The following STAT4 variants were observed in gnomAD, a reference collection of about 807,000 sequenced individuals.
STAT4 encodes the protein signal transducer and activator of transcription 4.
Under a neutral mutation model 110.5 loss-of-function variants are expected in STAT4, and 42 were observed. The observed-to-expected ratio is 0.38, with a 90% CI of 0.30 to 0.49. The LOEUF (loss-of-function observed/expected upper bound fraction) is 0.49, where lower values mean the gene tolerates loss of function less well. Among genes scored for constraint, STAT4 ranks in the 20% least tolerant of loss-of-function variants. The pLI is 0.95. For missense variants in STAT4, 632 were observed against 887.9 expected, an observed-to-expected ratio of 0.71 and a Z score of 3.66; for synonymous variants, 284 against 302.2, an observed-to-expected ratio of 0.94 and a Z score of 0.63.
chr2:191,046,442 T>G lies in STAT4; in HGVS notation c.1252-5294A>C, dbSNP rs1425588266. 6.6e-6 allele frequency among the ~76,000 whole-genome samples: 1 copy of G among 152,176 alleles called. No homozygotes were observed. The highest frequency in any genetic ancestry group is 1.5e-5 in the Non-Finnish European group (1 of 68,036). On this transcript the variant is annotated intron_variant, in intron 14 of 23. Coordinates refer to ENST00000392320, the MANE Select transcript of STAT4 (RefSeq NM_003151.4). This position sits in a 1 kb window ranked among gnomAD's most constrained non-coding sequence, Gnocchi z 4.6. The stretch of plus-strand genomic sequence containing the variant: ...ACCAGTGTGGCCTCTAGGTCTCTCC[T>G]GTGCCTAGATATGTTTGCACTGAAG...
intron 3 of STAT4, among the ~76,000 whole-genome samples, chr2:191,106,834 A>C (rs1204807931): frequency 1.3e-5 from 2 of 152,146 alleles, no homozygotes; most frequent in Non-Finnish European, 2.9e-5. Flanking sequence ...ACCTATTAGA[A>C]TTAGGGCAGA....
At chr2:191,106,613 C>A (rs1698289016) in intron 3 of STAT4, among the ~76,000 whole-genome samples, 1 of 150,230 alleles carries the variant, frequency 6.7e-6, no homozygotes, top group Non-Finnish European at 1.5e-5. Flanking sequence ...TGCCACTGCA[C>A]TCCAGCCTGG....
chr2:191,101,243 A>T (rs1281687380), intron 3 of STAT4, among the ~76,000 whole-genome samples: 1 of 152,212 alleles, frequency 6.6e-6, no homozygotes, highest in Non-Finnish European at 1.5e-5. Flanking sequence ...CAAGATCTGG[A>T]GATAACCTAT....
Position 191,083,215 on chromosome 2 carries a change from G to A in STAT4, c.274-6890C>T, listed in dbSNP as rs529542640. Among the ~76,000 whole-genome samples, 2 of 152,340 alleles carry A rather than the reference G, an allele frequency of 1.3e-5. No homozygotes were observed. The highest frequency in any genetic ancestry group is 2.1e-4 in the South Asian group (1 of 4,826). On this transcript the variant is annotated intron_variant, in intron 3 of 23. Coordinates refer to ENST00000392320, the MANE Select transcript of STAT4 (RefSeq NM_003151.4). The surrounding 1 kb of genome is among the most constrained non-coding windows in gnomAD (Gnocchi z 4.6). Reference sequence around the variant, plus strand: ...GGTCCCACAAAACACTGTTATGGGAGTGGGCAAGTGAGACGAGGAAGAGAA... The same window carrying A: ...GGTCCCACAAAACACTGTTATGGGAATGGGCAAGTGAGACGAGGAAGAGAA...
In STAT4 at chr2:191,066,463, C is replaced by T; in HGVS notation, c.597G>A (p.Gln199=). The T allele has an allele frequency of 6.2e-7, 1 of 1,613,496 alleles. No homozygotes were observed. The highest frequency in any genetic ancestry group is 1.1e-5 in the South Asian group (1 of 91,074). ...AMVNQEVLTL[Q]EMLNSLDFKR... is the part of the protein sequence containing the mutation. ...TGAAATCGAGGCTGTTAAGCATTTCCTGCAGTGTCAAAACTTCCTGATTCA... is the reference window on the plus strand; with the variant it reads ...TGAAATCGAGGCTGTTAAGCATTTCTTGCAGTGTCAAAACTTCCTGATTCA... The change falls in exon 7 of 24, where the codon CAG becomes CAA. Residue 199 remains glutamine (Q), a synonymous_variant. Transcript: ENST00000392320. This position sits in a 1 kb window ranked among gnomAD's most constrained non-coding sequence, Gnocchi z 4.3.
At chr2:191,067,066 T>C (rs1375867979) in intron 6 of STAT4, among the ~76,000 whole-genome samples, 2 of 151,708 alleles carry the variant, frequency 1.3e-5, no homozygotes, top group Non-Finnish European at 2.9e-5. Flanking sequence ...TTTCTTTTTT[T>C]TTTTTTCAAA....
rs1185340123 is a variant in STAT4 at position 191,144,452 on chromosome 2, C to T, written c.273+2161G>A. Among the ~76,000 whole-genome samples the T allele has an allele frequency of 6.6e-6, 1 of 152,018 alleles. No individual in the cohort carries two copies. Among genetic ancestry groups the T allele is most frequent in the African/African-American group, 2.4e-5 (1 of 41,388 alleles). On this transcript the variant is annotated intron_variant, in intron 3 of 23. Transcript: ENST00000392320. The surrounding 1 kb of genome is among the most constrained non-coding windows in gnomAD (Gnocchi z 4.7). ...AGAGTGTGTGTGACGTGTTCAGGAA[C>T]AAGTAGTAGATCTATTTTTCTGAGG...
At chr2:191,115,194 T>C (rs1192431173) in intron 3 of STAT4, among the ~76,000 whole-genome samples, 1 of 152,144 alleles carries the variant, frequency 6.6e-6, no homozygotes, top group Non-Finnish European at 1.5e-5. Flanking sequence ...TCCAGGTCAT[T>C]TCATCAAAAA....
Position 191,058,783 on chromosome 2 carries a change from T to C in STAT4, c.1035-14A>G, listed in dbSNP as rs778254591. On this transcript the variant is annotated splice_polypyrimidine_tract_variant and intron_variant, in intron 10 of 23. Coordinates refer to ENST00000392320, the MANE Select transcript of STAT4 (RefSeq NM_003151.4). The surrounding 1 kb of genome is among the most constrained non-coding windows in gnomAD (Gnocchi z 4.3). Reference sequence around the variant, plus strand: ...TTTATTAGTAGCCTGGAAAGAGATATCAATAAAAAAAATCAAAGATAAAAA... The same window carrying C: ...TTTATTAGTAGCCTGGAAAGAGATACCAATAAAAAAAATCAAAGATAAAAA... 3 of 1,513,604 alleles carry C rather than the reference T, an allele frequency of 2.0e-6. No individual in the cohort carries two copies. The highest frequency in any genetic ancestry group is 4.6e-5 in the East Asian group (2 of 43,756). The allele number at this position is 1,513,604 out of a possible 1,614,324, so 93.8% of individuals were successfully genotyped here. A position where few individuals can be genotyped will look rare whatever the true frequency, so the allele number is the denominator to read the frequency against.
At position 191,039,970 on chromosome 2, in the gene STAT4, A is replaced by G. The variant is rs1696143916; in HGVS notation, c.1336-673T>C. 6.6e-6 allele frequency among the ~76,000 whole-genome samples: 1 copy of G among 152,240 alleles called. No homozygotes were observed. The highest frequency in any genetic ancestry group is 2.1e-4 in the South Asian group (1 of 4,830). On this transcript the variant is annotated intron_variant, in intron 15 of 23. Transcript: ENST00000392320. The surrounding 1 kb of genome is among the most constrained non-coding windows in gnomAD (Gnocchi z 4.7). ...TAGATGGTAAAATACCCATTTGAGG[A>G]ACTTTAACAACTCATAAAAACAGAG...
In STAT4 at chr2:191,146,581, A is replaced by T; in HGVS notation, c.273+32T>A. 6.9e-7 allele frequency: 1 copy of T among 1,441,680 alleles called. No individual in the cohort carries two copies. The highest frequency in any genetic ancestry group is 1.6e-5 in the South Asian group (1 of 61,924). 89.3% of individuals were successfully genotyped at this position (1,441,680 alleles called of 1,614,324 possible). On this transcript the variant is annotated intron_variant, in intron 3 of 23. Coordinates refer to ENST00000392320, the MANE Select transcript of STAT4 (RefSeq NM_003151.4). The surrounding 1 kb of genome is among the most constrained non-coding windows in gnomAD (Gnocchi z 4.5). ...AACTAAATTTAAGACTCATATATCC[A>T]AATATTTTGGAAAAGTAGAATGCAT...
At chr2:191,076,872 C>G (rs982870952) in intron 3 of STAT4, among the ~76,000 whole-genome samples, 1 of 151,870 alleles carries the variant, frequency 6.6e-6, no homozygotes, top group Non-Finnish European at 1.5e-5. Context: ...CTCGAACTCC[C>G]GAACCCAGGT....
chr2:191,065,795 A>G (rs931668950), intron 7 of STAT4, among the ~76,000 whole-genome samples: 1 of 152,204 alleles, frequency 6.6e-6, no homozygotes, highest in Admixed American at 6.5e-5. Context: ...GAACTTTTAG[A>G]AATGAACTAC....
rs887250753 is a variant in STAT4, at chr2:191,030,467, T to C, written c.2220+505A>G. ...AGCATTATTATGCCATTGACTGTTA[T>C]TCATATATTATTGATGAGGCTCCGG... On this transcript the variant is annotated intron_variant, in intron 23 of 23. Coordinates refer to ENST00000392320, the MANE Select transcript of STAT4 (RefSeq NM_003151.4). The surrounding 1 kb of genome is among the most constrained non-coding windows in gnomAD (Gnocchi z 4.4). Among the ~76,000 whole-genome samples, 3 of 152,184 alleles carry C rather than the reference T, an allele frequency of 2.0e-5. No homozygotes were observed. The highest frequency in any genetic ancestry group is 4.8e-5 in the African/African-American group (2 of 41,432).
At chr2:191,093,770 G>C (rs972447612) in intron 3 of STAT4, among the ~76,000 whole-genome samples, 2 of 152,168 alleles carry the variant, frequency 1.3e-5, no homozygotes, top group Admixed American at 1.3e-4. Context: ...GGCTTCAGAA[G>C]GTCAGTAATA....
Position 191,041,067 on chromosome 2 carries a change from C to T in STAT4, c.1333G>A (p.Glu445Lys), listed in dbSNP as rs1297504781. 3 of 1,447,128 alleles carry T rather than the reference C, an allele frequency of 2.1e-6. No homozygotes were observed. Among genetic ancestry groups the T allele is most frequent in the Non-Finnish European group, 1.8e-6 (2 of 1,094,080 alleles). The allele number at this position is 1,447,128 out of a possible 1,614,324, so 89.6% of individuals were successfully genotyped here. The change falls in exon 15 of 24, where the codon GAG becomes AAG. Residue 445 changes from glutamate (E) to lysine (K), a missense_variant and splice_region_variant. Transcript: ENST00000392320. ...GTGTATGTTCTTGAAACACCTACCT[C>T]CAAATCTATGGTCAGGCCATAGAGG... ...ICLYGLTIDL[E>K]TSSLPVVMIS...
chr2:191,117,706 A>G lies in STAT4; in HGVS notation c.273+28907T>C, dbSNP rs1186191514. Among the ~76,000 whole-genome samples the G allele has an allele frequency of 6.6e-6, 1 of 152,156 alleles. No homozygotes were observed. The highest frequency in any genetic ancestry group is 1.5e-5 in the Non-Finnish European group (1 of 68,028). On this transcript the variant is annotated intron_variant, in intron 3 of 23. Transcript: ENST00000392320. The surrounding 1 kb of genome is among the most constrained non-coding windows in gnomAD (Gnocchi z 5.2). The stretch of plus-strand genomic sequence containing the variant: ...AGCAATGAGTAGAGTCCATTCTAAG[A>G]ATACAAAATACCCACATCCTAAATC...
chr2:191,054,972 G>T lies in STAT4; in HGVS notation c.1207-438C>A, dbSNP rs371656116. Among the ~76,000 whole-genome samples, 4 of 152,066 alleles carry T rather than the reference G, an allele frequency of 2.6e-5. No homozygotes were observed. The East Asian group carries it at 7.7e-4, about 29-fold the overall frequency. ...CATATAGCATAGTAAGCTATTAAAT[G>T]ACATTACAGGGGAAGAAGACTTACT... On this transcript the variant is annotated intron_variant, in intron 13 of 23. Coordinates refer to ENST00000392320, the MANE Select transcript of STAT4 (RefSeq NM_003151.4).
rs766324016 is a variant in STAT4 at position 191,146,680 on chromosome 2, CCTAA to C, written c.202_205del (p.Leu68ValfsTer11). 1 of 1,593,994 alleles carries C rather than the reference CCTAA, an allele frequency of 6.3e-7. No individual in the cohort carries two copies. The highest frequency in any genetic ancestry group is 1.2e-5 in the South Asian group (1 of 86,542). On this transcript the variant is annotated frameshift_variant, in exon 3 of 24. Coordinates refer to ENST00000392320, the MANE Select transcript of STAT4 (RefSeq NM_003151.4). LOFTEE classifies it high-confidence loss of function. This position sits in a 1 kb window ranked among gnomAD's most constrained non-coding sequence, Gnocchi z 4.5. ...TAGGTTTTTCTCTTTGGAAACACGA[CCTAA>C]CTGTTCATCCAGTTGTATTAACAAG...
Sources: gnomAD v4.1 joint callset for allele counts (sites outside exome capture counted in the v4.1 genomes callset) on GRCh38, gnomAD v4.1.1 for gene constraint, Gnocchi (gnomAD v3.1) non-coding constraint, MANE v1.5 for transcripts, NCBI Gene and HGNC (gene_info 2026-07-23, HGNC 2026-07-21) for gene names.